Variants in BORCS5 observed in about 807,000 individuals in gnomAD.
BORCS5 encodes the protein BLOC-1 related complex subunit 5.
A neutral mutation model predicts 22.1 loss-of-function variants in BORCS5; 17 were observed. That is an observed-to-expected ratio of 0.77 (90% CI 0.53 to 1.15). The LOEUF is 1.15. BORCS5 is among the 50% of genes most tolerant of loss of function. The pLI is 0.00. For synonymous variants in BORCS5, 117 were observed against 99.8 expected (o/e 1.17, Z -1.03); for missense variants, 247 against 253.2 (o/e 0.98, Z 0.17).
intron 3 of BORCS5, among the ~76,000 whole-genome samples, chr12:12,439,238 C>T (rs1345792365): frequency 6.6e-6 from 1 of 152,126 alleles, no homozygotes; most frequent in African/African-American, 2.4e-5. Flanking sequence ...AGGGTTAGGG[C>T]GGTGGGATGT....
rs1943264741 is a variant in BORCS5 at position 12,469,976 on chromosome 12, C to G, written c.*4200C>G. Among the ~76,000 whole-genome samples the G allele has an allele frequency of 6.6e-6, 1 of 152,140 alleles. No homozygotes were observed. Among genetic ancestry groups the G allele is most frequent in the Non-Finnish European group, 1.5e-5 (1 of 68,032 alleles). ...TTACCATAAATCAGGGGTCTCCAAA[C>G]CCCAGGCCACAGACTGGTACCCATC... On this transcript the variant is annotated 3_prime_UTR_variant, in exon 4 of 4. Transcript: ENST00000314565.
intron 2 of BORCS5, among the ~76,000 whole-genome samples, chr12:12,431,786 C>T (rs1319624134): frequency 5.3e-5 from 8 of 151,354 alleles, no homozygotes; most frequent in Admixed American, 1.3e-4. Context: ...CTTTGCCTCC[C>T]GGGTTCGAGA....
intron 3 of BORCS5, among the ~76,000 whole-genome samples, chr12:12,450,768 TTTTCTCATCTCTGAATCTCTAA>T (rs1565928309): frequency 1.3e-5 from 2 of 152,206 alleles, no homozygotes; most frequent in Non-Finnish European, 2.9e-5. Flanking sequence ...CCTGGGCACC[TTTTCTCATCTCTGAATCTCTAA>T]TTTCTCATCT....
intron 2 of BORCS5, among the ~76,000 whole-genome samples, chr12:12,412,900 C>CTTTTTTTTTTT (rs869045354): frequency 5.9e-4 from 44 of 74,204 alleles, no homozygotes; most frequent in Non-Finnish European, 7.2e-4. Context: ...TTGTGGTTTT[C>CTTTTTTTTTTT]TTTTTTTTTT....
chr12:12,449,588 G>A (rs1942865326), intron 3 of BORCS5, among the ~76,000 whole-genome samples: 1 of 152,180 alleles, frequency 6.6e-6, no homozygotes, highest in African/African-American at 2.4e-5. Flanking sequence ...TATTGGAACA[G>A]TCATACAATT....
chr12:12,371,287 A>AT (rs1377150268), intron 2 of BORCS5, among the ~76,000 whole-genome samples: 12 of 152,052 alleles, frequency 7.9e-5, no homozygotes, highest in Non-Finnish European at 1.3e-4. Context: ...ACCTATGTTT[A>AT]TTTTTTATAT....
intron 2 of BORCS5, among the ~76,000 whole-genome samples, chr12:12,431,641 C>G (rs1346756763): frequency 6.6e-6 from 1 of 152,000 alleles, no homozygotes; most frequent in East Asian, 1.9e-4. Context: ...ACCTCGTGAT[C>G]TGCCCGCCTC....
intron 2 of BORCS5, among the ~76,000 whole-genome samples, chr12:12,363,825 A>G (rs1478018890): frequency 6.6e-6 from 1 of 151,896 alleles, no homozygotes; most frequent in Non-Finnish European, 1.5e-5. Flanking sequence ...TAGAACCAGG[A>G]GATGGAGGTT....
chr12:12,420,367 G>A (rs1942083078), intron 2 of BORCS5, among the ~76,000 whole-genome samples: 1 of 152,142 alleles, frequency 6.6e-6, no homozygotes, highest in African/African-American at 2.4e-5. Context: ...GATGTGTGGT[G>A]TTATTTCTGA....
At position 12,471,076 on chromosome 12, in the gene BORCS5, A is replaced by T. The variant is rs1472013708; in HGVS notation, c.*5300A>T. On this transcript the variant is annotated 3_prime_UTR_variant, in exon 4 of 4. Transcript: ENST00000314565. ...CTTCAGGTTACCCTATTTGCCTGTC[A>T]CATTGCTTCTACCGGCCACATCCTG... 6.6e-6 allele frequency among the ~76,000 whole-genome samples: 1 copy of T among 152,240 alleles called. No individual in the cohort carries two copies. The highest frequency in any genetic ancestry group is 6.5e-5 in the Admixed American group (1 of 15,286).
chr12:12,436,374 GT>G (rs1795974653), intron 3 of BORCS5, among the ~76,000 whole-genome samples: 1 of 152,228 alleles, frequency 6.6e-6, no homozygotes, highest in Non-Finnish European at 1.5e-5. Flanking sequence ...TGCAAATGTT[GT>G]GTAATTATCA....
intron 2 of BORCS5, among the ~76,000 whole-genome samples, chr12:12,414,064 TC>T (rs1941829833): frequency 3.0e-5 from 1 of 33,648 alleles, no homozygotes; most frequent in Non-Finnish European, 5.6e-5. Flanking sequence ...GGGGGGCTGA[TC>T]CCCCCACATC....
In BORCS5 at chr12:12,452,268, A is replaced by G. The variant is rs371362378; in HGVS notation, c.361-13278A>G. The G allele has an allele frequency of 3.7e-5, 29 of 775,500 alleles. No individual in the cohort carries two copies. In the African/African-American group the frequency reaches 3.8e-4, roughly 10 times the overall value. The allele number at this position is 775,500 out of a possible 1,614,324, so 48.0% of individuals were successfully genotyped here. On this transcript the variant is annotated intron_variant, in intron 3 of 3. Coordinates refer to ENST00000314565, the MANE Select transcript of BORCS5 (RefSeq NM_058169.6). ...TTTTTCCAGCTTATTTTGTGCACCA[A>G]TTTGTGTAACAATCCCATTCATGTT... is the stretch of plus-strand genomic sequence containing the variant.
intron 2 of BORCS5, among the ~76,000 whole-genome samples, chr12:12,404,702 G>T (rs1437116406): frequency 6.6e-6 from 1 of 152,090 alleles, no homozygotes; most frequent in East Asian, 1.9e-4. Context: ...TTTTGGTTTG[G>T]TTTTTTGTTT....
chr12:12,380,111 T>G (rs1188018035), intron 2 of BORCS5, among the ~76,000 whole-genome samples: 2 of 151,298 alleles, frequency 1.3e-5, no homozygotes, highest in Non-Finnish European at 3.0e-5. Context: ...AGTTTAAGTT[T>G]CCTGTTTTCT....
At position 12,405,041 on chromosome 12, in the gene BORCS5, C is replaced by T. The variant is rs115428034; in HGVS notation, c.203-30587C>T. Among the ~76,000 whole-genome samples the T allele has an allele frequency of 5.1e-3, 783 of 152,282 alleles. 6 individuals carry two copies. The highest frequency in any genetic ancestry group is 0.017 in the African/African-American group (727 of 41,552). On this transcript the variant is annotated intron_variant, in intron 2 of 3. Transcript: ENST00000314565. The stretch of plus-strand genomic sequence containing the variant: ...GTAAGTCTACGAGGCACCATACACA[C>T]TTTTTCCCTTAAGGACCTTACTGAG...
chr12:12,377,090 G>A lies in BORCS5; in HGVS notation c.202+15741G>A, dbSNP rs534494161. On this transcript the variant is annotated intron_variant, in intron 2 of 3. Transcript: ENST00000314565. ...ACTTTTTAGTGACCTTAATTTTTTG[G>A]AGAGAAAACGATTTTCAGTCTATCT... Among the ~76,000 whole-genome samples, 3 of 152,086 alleles carry A rather than the reference G, an allele frequency of 2.0e-5. No individual in the cohort carries two copies. In the South Asian group the frequency reaches 6.2e-4, roughly 32 times the overall value.
At chr12:12,453,572 T>C (rs73063406) in intron 3 of BORCS5, among the ~76,000 whole-genome samples, 2,210 of 152,350 alleles carry the variant, frequency 0.015, 34 homozygotes, top group Middle Eastern at 0.031. Flanking sequence ...GGAAGGGTTC[T>C]GAGTCCAAGT....
chr12:12,404,747 G>A lies in BORCS5; in HGVS notation c.203-30881G>A, dbSNP rs115840039. Among the ~76,000 whole-genome samples the A allele has an allele frequency of 2.0e-3, 307 of 152,296 alleles. 2 individuals carry two copies. Among genetic ancestry groups the A allele is most frequent in the African/African-American group, 7.1e-3 (295 of 41,564 alleles). On this transcript the variant is annotated intron_variant, in intron 2 of 3. Coordinates refer to ENST00000314565, the MANE Select transcript of BORCS5 (RefSeq NM_058169.6). ...TGACACAGTCTCTGTTGCCCAGGCT[G>A]GAATGCAGTGGCATCATCTCAGCCC...
Sources: gnomAD v4.1 joint callset for allele counts (sites outside exome capture counted in the v4.1 genomes callset) on GRCh38, gnomAD v4.1.1 for gene constraint, MANE v1.5 for transcripts, NCBI Gene and HGNC (gene_info 2026-07-23, HGNC 2026-07-21) for gene names.